MZT2B: variants seen among roughly 807,000 people sequenced by gnomAD.
MZT2B encodes mitotic-spindle organizing protein 2B.
Under a neutral mutation model 12.1 loss-of-function variants are expected in MZT2B, and 11 were observed. That is an observed-to-expected ratio of 0.91 (90% CI 0.57 to 1.50). The LOEUF is 1.50. Among genes scored for constraint, MZT2B ranks in the 40% most tolerant of loss-of-function variants. The probability of loss-of-function intolerance (pLI) is 0.00; values close to 1 mark genes in which losing one functional copy is unlikely to be tolerated. For synonymous variants in MZT2B, 85 were observed against 109.5 expected (o/e 0.78, Z 1.40); for missense variants, 209 against 227.7 (o/e 0.92, Z 0.53).
rs376145660 is a variant in MZT2B at position 130,183,052 on chromosome 2, C to T, written c.319+277C>T. 1.1e-5 allele frequency: 6 copies of T among 569,024 alleles called. 1 individual carries two copies. Among genetic ancestry groups the T allele is most frequent in the African/African-American group, 5.9e-5 (3 of 50,700 alleles). 35.2% of individuals were successfully genotyped at this position (569,024 alleles called of 1,614,324 possible). ...CTCCCCTCCACCTCTTCACTCAGGC[C>T]TTCATCCTACAACGTCGGGAATCAA... On this transcript the variant is annotated intron_variant, in intron 2 of 2. Transcript: ENST00000281871.
At chr2:130,200,501 C>A in the MZT2B span, among the ~76,000 whole-genome samples, 1 of 152,162 alleles carries the variant, frequency 6.6e-6, no homozygotes, top group Non-Finnish European at 1.5e-5. Flanking sequence ...AACAAAATGC[C>A]TTTAAACAGT....
chr2:130,190,690 GATA>G lies in MZT2B; in HGVS notation c.*69_*71del, dbSNP rs1355375037. 5.9e-6 allele frequency: 9 copies of G among 1,535,992 alleles called. No homozygotes were observed. The highest frequency in any genetic ancestry group is 6.2e-6 in the Non-Finnish European group (7 of 1,136,280). ...AGGCTACATGTTACCTCCTTCAATT[GATA>G]ATAAACCTTTCTGAGATGCAGAGGG... On this transcript the variant is annotated 3_prime_UTR_variant, in exon 3 of 3. Transcript: ENST00000281871.
chr2:130,189,713 G>C (rs144108493), intron 2 of MZT2B, among the ~76,000 whole-genome samples: 186 of 152,326 alleles, frequency 1.2e-3, no homozygotes, highest in African/African-American at 4.4e-3. Flanking sequence ...TAAAATAAAG[G>C]TCTGGCCCAA....
chr2:130,190,401 C>CAGCAG, intron 2 of MZT2B, 68 bp from the exon 3 acceptor site: 1 of 1,588,166 alleles, frequency 6.3e-7, no homozygotes, highest in Non-Finnish European at 8.6e-7. Flanking sequence ...CCAAGGACCA[C>CAGCAG]GAGTACAGCA....
At chr2:130,189,236 G>A (rs1383392892) in intron 2 of MZT2B, among the ~76,000 whole-genome samples, 1 of 152,154 alleles carries the variant, frequency 6.6e-6, no homozygotes, top group Non-Finnish European at 1.5e-5. Flanking sequence ...GCACTGAGGG[G>A]GTGGGGTGTG....
At chr2:130,193,873 C>G (rs762046596), downstream of MZT2B, 8 of 1,614,210 alleles carry the variant, frequency 5.0e-6, no homozygotes, top group East Asian at 1.6e-4. Context: ...CTTTGGGGAC[C>G]ACGTCCCCCC....
In MZT2B at chr2:130,190,583, A is replaced by G; in HGVS notation, c.434A>G (p.Lys145Arg). 6.2e-7 allele frequency: 1 copy of G among 1,613,184 alleles called. No homozygotes were observed. The highest frequency in any genetic ancestry group is 8.5e-7 in the Non-Finnish European group (1 of 1,179,624). Residue 145 changes from lysine to arginine, a missense_variant, in exon 3 of 3, where the codon AAG becomes AGG. Transcript: ENST00000281871. ...PRQPSATRLP[K>R]GGGPGKSPTR... The stretch of plus-strand genomic sequence containing the variant: ...CAGCCCAGCGCTACCAGGCTGCCCA[A>G]GGGGGGCGGGCCTGGGAAGAGCCCT...
At chr2:130,192,879 A>C (rs1170659021), downstream of MZT2B, among the ~76,000 whole-genome samples, 3 of 152,150 alleles carry the variant, frequency 2.0e-5, no homozygotes, top group African/African-American at 7.2e-5. Flanking sequence ...AGATCACGTG[A>C]GGCCAGGGGT....
upstream of MZT2B, chr2:130,181,723 C>A: frequency 6.5e-7 from 1 of 1,548,904 alleles, no homozygotes; most frequent in Non-Finnish European, 8.7e-7. Context: ...AGAGAAATGG[C>A]GAGGCAGGAG....
chr2:130,188,239 G>T (rs1336889107), intron 2 of MZT2B: 1 of 158,686 alleles, frequency 6.3e-6, no homozygotes, highest in African/African-American at 2.4e-5. Context: ...CGTGCTGTGG[G>T]GAGCTGAGAG....
downstream of MZT2B, chr2:130,191,922 G>A: frequency 6.2e-7 from 1 of 1,614,058 alleles, no homozygotes; most frequent in Non-Finnish European, 8.5e-7. Flanking sequence ...GTCCTCGCGG[G>A]CCTCAGAGAA....
chr2:130,185,343 G>C (rs1334591571), intron 2 of MZT2B, among the ~76,000 whole-genome samples: 1 of 151,434 alleles, frequency 6.6e-6, no homozygotes, highest in Admixed American at 6.6e-5. Flanking sequence ...GGTGGGCATG[G>C]TGGTGGCGCC....
intron 2 of MZT2B, among the ~76,000 whole-genome samples, chr2:130,187,389 G>A (rs531322184): frequency 9.3e-4 from 141 of 152,254 alleles, no homozygotes; most frequent in African/African-American, 3.3e-3. Context: ...AGGTCTCACT[G>A]TGTTGTCCCA....
the MZT2B span, chr2:130,198,301 C>T: frequency 2.2e-6 from 3 of 1,349,732 alleles, 1 homozygote; most frequent in Non-Finnish European, 3.0e-6. Flanking sequence ...CTCTGTCCAC[C>T]CGAGGCCAAC....
chr2:130,196,366 C>T, the MZT2B span: 1 of 1,612,318 alleles, frequency 6.2e-7, no homozygotes, highest in Non-Finnish European at 8.5e-7. Flanking sequence ...TAGAGATACA[C>T]TCGCGCTGTG....
At position 130,190,466 on chromosome 2, in the gene MZT2B, CAG is replaced by C. The variant is rs1449011046; in HGVS notation, c.320-2_320-1del. 3 of 1,613,280 alleles carry C rather than the reference CAG, an allele frequency of 1.9e-6. No individual in the cohort carries two copies. Among genetic ancestry groups the C allele is most frequent in the Non-Finnish European group, 2.5e-6 (3 of 1,179,576 alleles). On this transcript the variant is annotated splice_acceptor_variant, in intron 2 of 2. Coordinates refer to ENST00000281871, the MANE Select transcript of MZT2B (RefSeq NM_025029.5). LOFTEE classifies it high-confidence loss of function. ...CTAATCATTGTGCTTTGTGTCTCCT[CAG>C]GGAGAAACAAAGGCAGCGCTGCCCT...
upstream of MZT2B, chr2:130,181,680 G>A: frequency 1.3e-6 from 2 of 1,548,530 alleles, no homozygotes; most frequent in East Asian, 2.4e-5. Context: ...CTCAAAAGGC[G>A]CGTGCGCAAA....
chr2:130,182,001 C>T (rs1407897337), upstream of MZT2B: 1 of 1,376,876 alleles, frequency 7.3e-7, no homozygotes, highest in African/African-American at 1.5e-5. Context: ...CCTAAGCGAG[C>T]ACGACCAATG....
downstream of MZT2B, among the ~76,000 whole-genome samples, chr2:130,195,526 C>T (rs760194319): frequency 1.3e-5 from 2 of 152,226 alleles, no homozygotes; most frequent in East Asian, 1.9e-4. Context: ...TTCTTTCCTA[C>T]GTGTAGCTAC....
Sources: gnomAD v4.1 joint callset for allele counts (sites outside exome capture counted in the v4.1 genomes callset) on GRCh38, gnomAD v4.1.1 for gene constraint, MANE v1.5 for transcripts, NCBI Gene and HGNC (gene_info 2026-07-23, HGNC 2026-07-21) for gene names.